EML4: variants seen among roughly 807,000 people sequenced by gnomAD.
The protein encoded by EML4 is EMAP like 4.
In EML4, 72 loss-of-function variants were observed where a neutral mutation model predicts 129.0. The ratio of observed to expected loss-of-function variants is 0.56; its 90% confidence interval spans 0.46 to 0.68. The LOEUF (loss-of-function observed/expected upper bound fraction) is 0.68, where lower values mean the gene tolerates loss of function less well. Among genes scored for constraint, EML4 ranks in the 30% least tolerant of loss-of-function variants. The probability of loss-of-function intolerance (pLI) is 0.00; values close to 1 mark genes in which losing one functional copy is unlikely to be tolerated. For synonymous variants in EML4, 532 were observed against 405.0 expected (o/e 1.31, Z -3.77); for missense variants, 1,363 against 1,190.6 (o/e 1.14, Z -2.13).
chr2:42,285,343 G>A (rs986789359), intron 9 of EML4, among the ~76,000 whole-genome samples: 3 of 152,140 alleles, frequency 2.0e-5, no homozygotes, highest in African/African-American at 7.2e-5. Context: ...AATGGTGACT[G>A]AGTAACGTAT....
chr2:42,318,809 A>C (rs973538266), intron 19 of EML4, among the ~76,000 whole-genome samples: 6 of 151,776 alleles, frequency 4.0e-5, no homozygotes, highest in Non-Finnish European at 8.8e-5. Flanking sequence ...GGCTGAAGCA[A>C]TTCTCCTGCC....
chr2:42,298,203 C>T (rs889520997), intron 13 of EML4, among the ~76,000 whole-genome samples: 13 of 152,170 alleles, frequency 8.5e-5, no homozygotes, highest in African/African-American at 3.1e-4. Context: ...AAGAATACAA[C>T]ATAAATTTCA....
chr2:42,265,722 A>G (rs1269655872), intron 6 of EML4, among the ~76,000 whole-genome samples: 4 of 152,226 alleles, frequency 2.6e-5, no homozygotes, highest in Non-Finnish European at 4.4e-5. Flanking sequence ...TGCCAACTTC[A>G]TTGCAAATAA....
At chr2:42,280,823 C>G (rs774596215) in intron 6 of EML4, 27 bp from the exon 7 acceptor site, 3 of 1,578,422 alleles carry the variant, frequency 1.9e-6, no homozygotes, top group Non-Finnish European at 2.6e-6. Flanking sequence ...ATACGTATGA[C>G]TTAACTTTTG....
At position 42,286,346 on chromosome 2, in the gene EML4, G is replaced by C; in HGVS notation, c.1089G>C (p.Glu363Asp). ...TLQIIGLGTF[E>D]RGVGCLDFSK... Reference sequence around the variant, plus strand: ...AGATTATTGGACTTGGCACTTTTGAGCGTGGAGTAGGATGCCTGGATTTTT... The same window carrying C: ...AGATTATTGGACTTGGCACTTTTGACCGTGGAGTAGGATGCCTGGATTTTT... The change falls in exon 10 of 23, where the codon GAG becomes GAC. Residue 363 changes from glutamate to aspartate, a missense_variant. Coordinates refer to ENST00000318522, the MANE Select transcript of EML4 (RefSeq NM_019063.5). 3.7e-6 allele frequency: 6 copies of C among 1,613,402 alleles called. No homozygotes were observed. The highest frequency in any genetic ancestry group is 4.2e-6 in the Non-Finnish European group (5 of 1,179,334).
At chr2:42,314,368 A>T (rs1038170124) in intron 17 of EML4, among the ~76,000 whole-genome samples, 2 of 152,182 alleles carry the variant, frequency 1.3e-5, no homozygotes, top group Non-Finnish European at 2.9e-5. Context: ...TAAAAAAAAA[A>T]AATTGCTGCT....
intron 3 of EML4, among the ~76,000 whole-genome samples, chr2:42,258,766 C>G (rs540329476): frequency 2.0e-5 from 3 of 152,248 alleles, no homozygotes; most frequent in Non-Finnish European, 4.4e-5. Flanking sequence ...AAGGGCCAGT[C>G]TGAAGTCAGA....
chr2:42,317,726 G>T (rs1323339456), intron 19 of EML4, among the ~76,000 whole-genome samples: 1 of 152,204 alleles, frequency 6.6e-6, no homozygotes, highest in Non-Finnish European at 1.5e-5. Flanking sequence ...TTTGATGGGG[G>T]TGTAATATTT....
intron 17 of EML4, among the ~76,000 whole-genome samples, chr2:42,314,566 T>C (rs1444896482): frequency 6.6e-6 from 1 of 152,230 alleles, no homozygotes; most frequent in Non-Finnish European, 1.5e-5. Context: ...GTTTTTTCCA[T>C]CCCATCCATT....
chr2:42,320,923 G>C (rs990801891), intron 19 of EML4, among the ~76,000 whole-genome samples: 1 of 151,992 alleles, frequency 6.6e-6, no homozygotes, highest in Non-Finnish European at 1.5e-5. Context: ...AAGTAAGTTT[G>C]CTTTTTTGCC....
At position 42,245,508 on chromosome 2, in the gene EML4, A is replaced by G. The variant is rs1308687253; in HGVS notation, c.29A>G (p.Asp10Gly). The change falls in exon 2 of 23, where the codon GAT becomes GGT. Residue 10 changes from aspartate to glycine, a missense_variant. By Grantham distance (94) the Asp-to-Gly change is moderately conservative. Transcript: ENST00000318522. Reference sequence around the variant, plus strand: ...CATATTTTATTTTATTTTATAGATGATAGTATTTCTGCTGCAAGTACTTCT... The same window carrying G: ...CATATTTTATTTTATTTTATAGATGGTAGTATTTCTGCTGCAAGTACTTCT... MDGFAGSLD[D>G]SISAASTSDV... The G allele has an allele frequency of 9.3e-6, 15 of 1,606,064 alleles. No individual in the cohort carries two copies. The East Asian group carries it at 3.1e-4, about 34-fold the overall frequency.
At chr2:42,287,313 T>A (rs192393983) in intron 10 of EML4, among the ~76,000 whole-genome samples, 16 of 152,248 alleles carry the variant, frequency 1.1e-4, no homozygotes, top group African/African-American at 3.8e-4. Flanking sequence ...AGATAAGAGG[T>A]CATAAAGGCA....
In EML4 at chr2:42,187,704, A is replaced by G. The variant is rs1054752049; in HGVS notation, c.25+18068A>G. 3.3e-5 allele frequency among the ~76,000 whole-genome samples: 5 copies of G among 152,008 alleles called. No individual in the cohort carries two copies. The South Asian group carries it at 8.3e-4, about 25-fold the overall frequency. On this transcript the variant is annotated intron_variant, in intron 1 of 22. Coordinates refer to ENST00000318522, the MANE Select transcript of EML4 (RefSeq NM_019063.5). ...AAAAAAATGGTTGCCTTAAGTTTTG[A>G]GAGTATTTTATATGCTTTGGGTACA...
intron 11 of EML4, among the ~76,000 whole-genome samples, chr2:42,293,522 A>G (rs1667772503): frequency 6.6e-6 from 1 of 152,236 alleles, no homozygotes; most frequent in Non-Finnish European, 1.5e-5. Context: ...GAAAAAAAAG[A>G]ATTTACAACA....
At chr2:42,328,344 T>A (rs1164562040) in intron 21 of EML4, among the ~76,000 whole-genome samples, 2 of 152,216 alleles carry the variant, frequency 1.3e-5, no homozygotes, top group Non-Finnish European at 2.9e-5. Context: ...GTGTCTTATC[T>A]TGGGACATAA....
intron 1 of EML4, among the ~76,000 whole-genome samples, chr2:42,245,134 G>C (rs1367041872): frequency 3.4e-5 from 2 of 58,970 alleles, no homozygotes; most frequent in African/African-American, 1.7e-4. Context: ...TTGCTCTGTT[G>C]CCCAGACTAG....
chr2:42,280,622 A>G (rs1489059256), intron 6 of EML4, among the ~76,000 whole-genome samples: 1 of 152,240 alleles, frequency 6.6e-6, no homozygotes, highest in East Asian at 1.9e-4. Context: ...GCCATTTTGT[A>G]TCAGGAAATT....
At chr2:42,221,184 G>A (rs375864426) in intron 1 of EML4, among the ~76,000 whole-genome samples, 14 of 152,024 alleles carry the variant, frequency 9.2e-5, no homozygotes, top group African/African-American at 3.4e-4. Context: ...ATGTTACCCA[G>A]TACTTTCATA....
At chr2:42,282,997 A>T (rs1482120781) in intron 8 of EML4, 25 bp downstream of exon 8, 3 of 1,554,970 alleles carry the variant, frequency 1.9e-6, no homozygotes, top group Non-Finnish European at 2.6e-6. Context: ...ACATTGGTTC[A>T]TTTTTGTTCT....
Sources: gnomAD v4.1 joint callset for allele counts (sites outside exome capture counted in the v4.1 genomes callset) on GRCh38, gnomAD v4.1.1 for gene constraint, MANE v1.5 for transcripts, NCBI Gene and HGNC (gene_info 2026-07-23, HGNC 2026-07-21) for gene names.